Variants in RBFOX3 observed in about 807,000 individuals in gnomAD.
The protein encoded by RBFOX3 is RNA binding fox-1 homolog 3.
RBFOX3 carries 17 observed loss-of-function variants against 48.7 expected under a neutral mutation model. The ratio of observed to expected loss-of-function variants is 0.35; its 90% CI spans 0.24 to 0.52. RBFOX3 has a LOEUF of 0.52. Among genes scored for constraint, RBFOX3 ranks in the 20% least tolerant of loss-of-function variants. RBFOX3 has a pLI of 0.94. For synonymous variants in RBFOX3, 212 were observed against 209.5 expected, an observed-to-expected ratio of 1.01 and a Z score of -0.10; for missense variants, 382 against 497.5, an observed-to-expected ratio of 0.77 and a Z score of 2.21.
intron 1 of RBFOX3, among the ~76,000 whole-genome samples, chr17:79,518,001 T>G (rs2149953430): frequency 6.6e-6 from 1 of 152,304 alleles, no homozygotes; most frequent in South Asian, 2.1e-4. Context: ...TACATGGAGA[T>G]AAGACTATCA....
intron 3 of RBFOX3, among the ~76,000 whole-genome samples, chr17:79,236,264 T>C (rs58864715): frequency 0.014 from 2,102 of 152,188 alleles, 52 homozygotes; most frequent in African/African-American, 0.048. Context: ...GGGGGTCACT[T>C]TGAGTGTGGT....
the RBFOX3 span, among the ~76,000 whole-genome samples, chr17:79,656,788 AAG>A: frequency 6.4e-4 from 3 of 4,720 alleles, no homozygotes; most frequent in Non-Finnish European, 1.2e-3. Context: ...GAAAGAAAGA[AAG>A]AAAGAAAGAA....
chr17:79,282,487 T>C (rs2070790855), intron 3 of RBFOX3, among the ~76,000 whole-genome samples: 1 of 150,886 alleles, frequency 6.6e-6, no homozygotes, highest in African/African-American at 2.4e-5. Context: ...CCTGAACTGC[T>C]GGCTCAATGC....
At position 79,385,153 on chromosome 17, in the gene RBFOX3, G is replaced by A. The variant is rs564144308; in HGVS notation, c.-174-77329C>T. On this transcript the variant is annotated intron_variant, in intron 2 of 14. Coordinates refer to ENST00000693108, the MANE Select transcript of RBFOX3 (RefSeq NM_001350451.2). Reference sequence around the variant, plus strand: ...AGCAGCTTGTCCCAAAACACCTAACGTGCATGGGAAATAACTGGGAAGGGC... The same window carrying A: ...AGCAGCTTGTCCCAAAACACCTAACATGCATGGGAAATAACTGGGAAGGGC... Among the ~76,000 whole-genome samples, 21 of 152,312 alleles carry A rather than the reference G, an allele frequency of 1.4e-4. No homozygotes were observed. In the East Asian group the frequency reaches 2.9e-3, roughly 21 times the overall value.
Position 79,470,236 on chromosome 17 carries a change from C to T in RBFOX3, c.-175+12218G>A, listed in dbSNP as rs1358912424. Among the ~76,000 whole-genome samples the T allele has an allele frequency of 4.0e-5, 6 of 150,210 alleles. No individual in the cohort carries two copies. In the South Asian group the frequency reaches 1.1e-3, roughly 27 times the overall value. On this transcript the variant is annotated intron_variant, in intron 2 of 14. Coordinates refer to ENST00000693108, the MANE Select transcript of RBFOX3 (RefSeq NM_001350451.2). Reference sequence around the variant, plus strand: ...AGGAGATCACTACTGGAGACACCACCGCAGCCCCAGTGGCCCACATGTGTG... The same window carrying T: ...AGGAGATCACTACTGGAGACACCACTGCAGCCCCAGTGGCCCACATGTGTG...
chr17:79,160,095 G>C (rs1311500801), intron 4 of RBFOX3, among the ~76,000 whole-genome samples: 1 of 152,272 alleles, frequency 6.6e-6, no homozygotes, highest in African/African-American at 2.4e-5. Flanking sequence ...AGTAGTAAGT[G>C]ACTGCCTAGC....
chr17:79,282,230 A>G (rs1020067212), intron 3 of RBFOX3, among the ~76,000 whole-genome samples: 1 of 152,192 alleles, frequency 6.6e-6, no homozygotes, highest in Non-Finnish European at 1.5e-5. Context: ...AAACGAATCC[A>G]TGAGAAGGTT....
intron 2 of RBFOX3, among the ~76,000 whole-genome samples, chr17:79,453,967 G>A (rs1453719889): frequency 6.6e-6 from 1 of 152,178 alleles, no homozygotes; most frequent in East Asian, 1.9e-4. Flanking sequence ...ATGACCTGGG[G>A]CGGTGCTAGG....
At chr17:79,341,909 C>T (rs1360092871) in intron 2 of RBFOX3, among the ~76,000 whole-genome samples, 1 of 152,218 alleles carries the variant, frequency 6.6e-6, no homozygotes, top group Non-Finnish European at 1.5e-5. Context: ...GCAGGTGATG[C>T]GCTAATGTGA....
intron 4 of RBFOX3, among the ~76,000 whole-genome samples, chr17:79,157,610 G>A (rs867573031): frequency 9.2e-5 from 14 of 152,196 alleles, no homozygotes; most frequent in African/African-American, 2.9e-4. Flanking sequence ...CCTAAAAGCT[G>A]AGATGCCCTG....
intron 1 of RBFOX3, among the ~76,000 whole-genome samples, chr17:79,562,225 T>C (rs1159493159): frequency 6.6e-6 from 1 of 152,200 alleles, no homozygotes; most frequent in Non-Finnish European, 1.5e-5. Context: ...CTGAGACTAC[T>C]GGGAACCGGG....
intron 4 of RBFOX3, among the ~76,000 whole-genome samples, chr17:79,230,505 C>T (rs9905989): frequency 0.65 from 98,535 of 151,226 alleles, 32,549 homozygotes; most frequent in Middle Eastern, 0.74. Context: ...GTGATCCGCC[C>T]GCCTCGGCCT....
At chr17:79,176,850 G>A (rs1254557950) in intron 4 of RBFOX3, among the ~76,000 whole-genome samples, 1 of 152,220 alleles carries the variant, frequency 6.6e-6, no homozygotes, top group Non-Finnish European at 1.5e-5. Flanking sequence ...GAAAATTCTA[G>A]GGGCCACAGC....
rs578233914 is a variant in RBFOX3 at position 79,229,177 on chromosome 17, C to T, written c.-34+6589G>A. On this transcript the variant is annotated intron_variant, in intron 4 of 14. Transcript: ENST00000693108. ...ACGGTAGGCAGAGGTTGCAGTGAGC[C>T]GAGACTGTGCCATCGCACTCCAGCC... is the stretch of plus-strand genomic sequence containing the variant. Among the ~76,000 whole-genome samples the T allele has an allele frequency of 1.7e-3, 219 of 125,194 alleles. 1 individual carries two copies. Among genetic ancestry groups the T allele is most frequent in the African/African-American group, 5.8e-3 (186 of 32,232 alleles). 82.1% of individuals were successfully genotyped at this position (125,194 alleles called of 152,430 possible). A position where few individuals can be genotyped will look rare whatever the true frequency, so the allele number is the denominator to read the frequency against.
rs114071088 is a variant in RBFOX3 at position 79,212,259 on chromosome 17, C to T, written c.-34+23507G>A. On this transcript the variant is annotated intron_variant, in intron 4 of 14. Transcript: ENST00000693108. The surrounding 1 kb of genome is among the most constrained non-coding windows in gnomAD (Gnocchi z 4.7). Reference sequence around the variant, plus strand: ...ACCCGCTGCCCTGGGTTCTTCCAGGCTGGGGCTGGGGCTGGGGCAGGGCTG... The same window carrying T: ...ACCCGCTGCCCTGGGTTCTTCCAGGTTGGGGCTGGGGCTGGGGCAGGGCTG... Among the ~76,000 whole-genome samples the T allele has an allele frequency of 6.6e-6, 1 of 152,170 alleles. No individual in the cohort carries two copies. Among genetic ancestry groups the T allele is most frequent in the African/African-American group, 2.4e-5 (1 of 41,444 alleles).
At chr17:79,281,177 T>C (rs575985534) in intron 3 of RBFOX3, among the ~76,000 whole-genome samples, 2 of 152,326 alleles carry the variant, frequency 1.3e-5, no homozygotes, top group Middle Eastern at 6.8e-3. Flanking sequence ...ATTTGTAAAA[T>C]GGGAACAGCC....
intron 3 of RBFOX3, among the ~76,000 whole-genome samples, chr17:79,260,603 C>A (rs536664898): frequency 6.6e-6 from 1 of 152,328 alleles, no homozygotes; most frequent in East Asian, 1.9e-4. Context: ...ATGGCCAAGG[C>A]CAAATCCAGA....
At chr17:79,436,519 C>T (rs113575657) in intron 2 of RBFOX3, among the ~76,000 whole-genome samples, 7 of 152,058 alleles carry the variant, frequency 4.6e-5, no homozygotes, top group Non-Finnish European at 7.4e-5. Flanking sequence ...CCAGGACACC[C>T]GGGAGGAGCT....
At chr17:79,263,778 C>T (rs1047798710) in intron 3 of RBFOX3, among the ~76,000 whole-genome samples, 4 of 152,130 alleles carry the variant, frequency 2.6e-5, no homozygotes, top group Non-Finnish European at 5.9e-5. Context: ...AGGGGCAGAA[C>T]GATGTCCCCA....
Sources: gnomAD v4.1 joint callset for allele counts (sites outside exome capture counted in the v4.1 genomes callset) on GRCh38, gnomAD v4.1.1 for gene constraint, Gnocchi (gnomAD v3.1) non-coding constraint, MANE v1.5 for transcripts, NCBI Gene and HGNC (gene_info 2026-07-23, HGNC 2026-07-21) for gene names.